Variants in LUC7L3 observed in about 807,000 individuals in gnomAD.
LUC7L3 encodes the protein luc7-like protein 3.
A neutral mutation model predicts 66.8 loss-of-function variants in LUC7L3; 6 were observed. That is an observed-to-expected ratio of 0.09 (90% CI 0.05 to 0.18). The LOEUF is 0.18. Ranked by LOEUF, LUC7L3 falls within the 10% of genes least tolerant of loss-of-function variation. The pLI, the probability that LUC7L3 is intolerant of heterozygous loss-of-function variation, is 1.00. For synonymous variants in LUC7L3, 160 were observed against 174.7 expected (o/e 0.92, Z 0.66); for missense variants, 341 against 531.1 (o/e 0.64, Z 3.52).
At chr17:50,736,848 T>A (rs1303683464) in intron 1 of LUC7L3, 112 bp from the exon 2 acceptor site, 1 of 667,348 alleles carries the variant, frequency 1.5e-6, no homozygotes. Flanking sequence ...AATTCTTACA[T>A]TGGTTGAAAC....
intron 1 of LUC7L3, among the ~76,000 whole-genome samples, chr17:50,721,007 C>G (rs1008249738): frequency 2.0e-5 from 3 of 152,092 alleles, no homozygotes; most frequent in Admixed American, 1.3e-4. Context: ...TCCCCATCCC[C>G]CCGACCATTT....
rs952957431 is a variant in LUC7L3, at chr17:50,752,461, T to C, written c.*1800T>C. 4 of 189,776 alleles carry C rather than the reference T, an allele frequency of 2.1e-5. No individual in the cohort carries two copies. The highest frequency in any genetic ancestry group is 9.6e-5 in the African/African-American group (4 of 41,776). The allele number at this position is 189,776 out of a possible 1,614,324, so 11.8% of individuals were successfully genotyped here. ...TTTCTTTAAGACTTTTTAAGAAATATTACTTAAACATGTGGCTTGCTCAGT... is the reference window on the plus strand; with the variant it reads ...TTTCTTTAAGACTTTTTAAGAAATACTACTTAAACATGTGGCTTGCTCAGT... On this transcript the variant is annotated 3_prime_UTR_variant, in exon 10 of 10. Coordinates refer to ENST00000505658, the MANE Select transcript of LUC7L3 (RefSeq NM_016424.5).
chr17:50,755,564 T>C lies in LUC7L3; in HGVS notation c.*4903T>C, dbSNP rs886587410. The C allele has an allele frequency of 3.9e-5, 6 of 152,236 alleles. No individual in the cohort carries two copies. Among genetic ancestry groups the C allele is most frequent in the African/African-American group, 1.4e-4 (6 of 41,468 alleles). The allele number at this position is 152,236 out of a possible 1,614,324, so 9.4% of individuals were successfully genotyped here. A position where few individuals can be genotyped will look rare whatever the true frequency, so the allele number is the denominator to read the frequency against. On this transcript the variant is annotated 3_prime_UTR_variant, in exon 10 of 10. Coordinates refer to ENST00000505658, the MANE Select transcript of LUC7L3 (RefSeq NM_016424.5). ...CTATTTTAAAAATTCAAGAGTTTTGTAGCTGATCTATTTCTTCCCCTCAGC... is the reference window on the plus strand; with the variant it reads ...CTATTTTAAAAATTCAAGAGTTTTGCAGCTGATCTATTTCTTCCCCTCAGC...
At chr17:50,735,228 C>T (rs1969895907) in intron 1 of LUC7L3, among the ~76,000 whole-genome samples, 2 of 90,632 alleles carry the variant, frequency 2.2e-5, no homozygotes, top group Non-Finnish European at 2.0e-5. Flanking sequence ...GAAACTCTGT[C>T]TCAAAAAAAA....
chr17:50,748,350 AG>A (rs1480099345), intron 9 of LUC7L3: 3 of 151,928 alleles, frequency 2.0e-5, no homozygotes, highest in Non-Finnish European at 4.4e-5. Flanking sequence ...ACAGGGTCTC[AG>A]TGTCACCCAG....
chr17:50,738,221 C>T (rs1200376841), intron 2 of LUC7L3: 51 of 432,862 alleles, frequency 1.2e-4, no homozygotes, highest in Non-Finnish European at 5.9e-5. Context: ...TGGGGAATCT[C>T]TTAAAAGAAA....
intron 4 of LUC7L3, 120 bp downstream of exon 4, chr17:50,741,366 A>G: frequency 1.0e-6 from 1 of 1,001,286 alleles, no homozygotes; most frequent in Non-Finnish European, 1.4e-6. Context: ...ATGATATGAA[A>G]CTTATAGGGC....
At position 50,751,823 on chromosome 17, in the gene LUC7L3, A is replaced by G; in HGVS notation, c.*1162A>G. The G allele has an allele frequency of 2.0e-6, 2 of 1,012,342 alleles. No individual in the cohort carries two copies. The highest frequency in any genetic ancestry group is 2.4e-6 in the Non-Finnish European group (2 of 846,166). 62.7% of individuals were successfully genotyped at this position (1,012,342 alleles called of 1,614,324 possible). A position where few individuals can be genotyped will look rare whatever the true frequency, so the allele number is the denominator to read the frequency against. ...AGAACTGATGCACTATATAGAACGAATTTGGGTTTTTAAAGAAATATTAAA... is the reference window on the plus strand; with the variant it reads ...AGAACTGATGCACTATATAGAACGAGTTTGGGTTTTTAAAGAAATATTAAA... On this transcript the variant is annotated 3_prime_UTR_variant, in exon 10 of 10. Transcript: ENST00000505658.
At chr17:50,738,119 C>G in intron 2 of LUC7L3, 1 of 455,784 alleles carries the variant, frequency 2.2e-6, no homozygotes, top group Non-Finnish European at 4.4e-6. Context: ...AAGGATACAG[C>G]CAGATGTTTT....
chr17:50,740,237 C>CT (rs3214295), intron 2 of LUC7L3, 69 bp from the exon 3 acceptor site: 297,645 of 1,129,326 alleles, frequency 0.26, 31,831 homozygotes, highest in African/African-American at 0.32. Flanking sequence ...AAAAATAACT[C>CT]TTTTTTTTTG....
chr17:50,751,319 T>C lies in LUC7L3; in HGVS notation c.*658T>C. ...CAGCGTTGGTGTTGTGAGCGGCCCATGAAAAGCCAAATTAAAAATCAAGGA... is the reference window on the plus strand; with the variant it reads ...CAGCGTTGGTGTTGTGAGCGGCCCACGAAAAGCCAAATTAAAAATCAAGGA... On this transcript the variant is annotated 3_prime_UTR_variant, in exon 10 of 10. Coordinates refer to ENST00000505658, the MANE Select transcript of LUC7L3 (RefSeq NM_016424.5). 7 of 1,305,400 alleles carry C rather than the reference T, an allele frequency of 5.4e-6. No individual in the cohort carries two copies. The highest frequency in any genetic ancestry group is 7.0e-6 in the Non-Finnish European group (7 of 999,686). 80.9% of individuals were successfully genotyped at this position (1,305,400 alleles called of 1,614,324 possible).
intron 5 of LUC7L3, among the ~76,000 whole-genome samples, chr17:50,742,447 C>A (rs980779866): frequency 6.6e-6 from 1 of 152,094 alleles, no homozygotes; most frequent in Non-Finnish European, 1.5e-5. Flanking sequence ...CAACCTCTGC[C>A]TCCCAGGTTC....
Position 50,749,202 on chromosome 17 carries a change from C to T in LUC7L3, c.1139-1299C>T, listed in dbSNP as rs535758451. Reference sequence around the variant, plus strand: ...TGGATGTCCTTAGGACTATTAAGATCTACCATATTTACATAGGGCAGAAGA... The same window carrying T: ...TGGATGTCCTTAGGACTATTAAGATTTACCATATTTACATAGGGCAGAAGA... On this transcript the variant is annotated intron_variant, in intron 9 of 9. Coordinates refer to ENST00000505658, the MANE Select transcript of LUC7L3 (RefSeq NM_016424.5). 4 of 1,288,718 alleles carry T rather than the reference C, an allele frequency of 3.1e-6. No individual in the cohort carries two copies. In the South Asian group the frequency reaches 4.9e-5, roughly 16 times the overall value. The allele number at this position is 1,288,718 out of a possible 1,614,324, so 79.8% of individuals were successfully genotyped here.
intron 1 of LUC7L3, among the ~76,000 whole-genome samples, chr17:50,727,498 C>T (rs753467441): frequency 1.4e-4 from 21 of 152,152 alleles, no homozygotes; most frequent in Non-Finnish European, 2.5e-4. Flanking sequence ...AAAGAAACCA[C>T]ATCCAAACCA....
intron 6 of LUC7L3, among the ~76,000 whole-genome samples, chr17:50,744,439 C>T (rs1192178160): frequency 3.9e-5 from 6 of 152,180 alleles, no homozygotes; most frequent in Non-Finnish European, 7.4e-5. Flanking sequence ...CAGTGGGTCT[C>T]AACATTTCTT....
Position 50,738,801 on chromosome 17 carries a change from A to G in LUC7L3, c.167-1505A>G, listed in dbSNP as rs377613446. Among the ~76,000 whole-genome samples, 11 of 152,280 alleles carry G rather than the reference A, an allele frequency of 7.2e-5. No homozygotes were observed. The South Asian group carries it at 2.1e-3, about 29-fold the overall frequency. On this transcript the variant is annotated intron_variant, in intron 2 of 9. Coordinates refer to ENST00000505658, the MANE Select transcript of LUC7L3 (RefSeq NM_016424.5). Reference sequence around the variant, plus strand: ...AAAAAAATTTGCAGTACTAAAGGACATTCATCTTTAGGTTGAGCAGGTCCT... The same window carrying G: ...AAAAAAATTTGCAGTACTAAAGGACGTTCATCTTTAGGTTGAGCAGGTCCT...
intron 1 of LUC7L3, among the ~76,000 whole-genome samples, chr17:50,725,217 C>T (rs1213385074): frequency 6.6e-6 from 1 of 152,120 alleles, no homozygotes; most frequent in African/African-American, 2.4e-5. Context: ...TGAGACCAGC[C>T]TGGCCAACAT....
chr17:50,730,348 C>T (rs1048516180), intron 1 of LUC7L3, among the ~76,000 whole-genome samples: 9 of 151,472 alleles, frequency 5.9e-5, no homozygotes, highest in African/African-American at 1.9e-4. Context: ...TGGTAAAACC[C>T]CATCTCTACT....
intron 2 of LUC7L3, among the ~76,000 whole-genome samples, chr17:50,739,464 C>T (rs958134715): frequency 5.3e-5 from 8 of 152,094 alleles, no homozygotes; most frequent in East Asian, 1.9e-4. Context: ...ACAGCTTGCC[C>T]AACAGGGTGA....
Sources: allele counts gnomAD v4.1 joint callset (sites outside exome capture counted in the v4.1 genomes callset), GRCh38; gene constraint gnomAD v4.1.1; transcripts MANE v1.5; gene names NCBI Gene and HGNC (gene_info 2026-07-23, HGNC 2026-07-21).